PCDH9: variants seen among roughly 807,000 people sequenced by gnomAD.
The protein encoded by PCDH9 is protocadherin 9.
PCDH9 carries 24 observed loss-of-function variants against 70.6 expected under a neutral mutation model. That is an observed-to-expected ratio of 0.34 (90% CI 0.25 to 0.48). PCDH9 has a LOEUF of 0.48. Ranked by LOEUF, PCDH9 falls within the 20% of genes least tolerant of loss-of-function variation. PCDH9 has a pLI of 0.99. For missense variants in PCDH9, 1,281 were observed against 1,503.6 expected (o/e 0.85, Z 2.45); for synonymous variants, 562 against 558.5 (o/e 1.01, Z -0.09).
At chr13:66,880,358 T>G (rs571694749) in intron 3 of PCDH9, among the ~76,000 whole-genome samples, 60 of 152,270 alleles carry the variant, frequency 3.9e-4, no homozygotes, top group African/African-American at 1.3e-3. Context: ...CATTTGTGAA[T>G]AGCAACAACT....
intron 3 of PCDH9, among the ~76,000 whole-genome samples, chr13:66,760,739 C>T (rs567059613): frequency 4.0e-4 from 61 of 152,156 alleles, no homozygotes; most frequent in Middle Eastern, 3.4e-3. Flanking sequence ...CTTGCAAAAG[C>T]GAATAGGAGA....
At chr13:66,555,419 G>GGA (rs1555305906) in intron 4 of PCDH9, among the ~76,000 whole-genome samples, 12 of 143,568 alleles carry the variant, frequency 8.4e-5, no homozygotes, top group South Asian at 2.2e-4. Flanking sequence ...ACATTCTGGG[G>GGA]AAAAAAAAAA....
intron 2 of PCDH9, chr13:66,914,570 C>T (rs980218622): frequency 3.3e-5 from 5 of 151,730 alleles, no homozygotes; most frequent in Non-Finnish European, 7.4e-5. Context: ...TGAAGCATAA[C>T]TAAGAAACAC....
intron 3 of PCDH9, among the ~76,000 whole-genome samples, chr13:66,739,734 G>C: frequency 6.6e-6 from 1 of 150,740 alleles, no homozygotes; most frequent in East Asian, 2.0e-4. Flanking sequence ...AAGATCAAAA[G>C]AGACAAAGAA....
chr13:67,021,626 C>T (rs1156532112), intron 2 of PCDH9, among the ~76,000 whole-genome samples: 5 of 152,044 alleles, frequency 3.3e-5, no homozygotes, highest in Admixed American at 3.3e-4. Flanking sequence ...GTGGTGCGAT[C>T]TCTGCTTACT....
At chr13:66,599,533 T>C (rs73194763) in intron 4 of PCDH9, among the ~76,000 whole-genome samples, 24,544 of 151,648 alleles carry the variant, frequency 0.16, 2,155 homozygotes, top group Middle Eastern at 0.22. Context: ...ATTTAAATCA[T>C]GTACTATATT....
intron 2 of PCDH9, among the ~76,000 whole-genome samples, chr13:66,970,265 T>C (rs1373353853): frequency 6.6e-6 from 1 of 151,964 alleles, no homozygotes; most frequent in Non-Finnish European, 1.5e-5. Context: ...TGTTGAAATG[T>C]GTAGTATTAT....
In PCDH9 at chr13:66,659,666, CT is replaced by C. The variant is rs2077981333; in HGVS notation, c.3139-28256del. 2.0e-5 allele frequency among the ~76,000 whole-genome samples: 3 copies of C among 151,758 alleles called. No homozygotes were observed. The East Asian group carries it at 5.8e-4, about 29-fold the overall frequency. Reference sequence around the variant, plus strand: ...ATCCTGCTGCATCTTCCCTGAAAGACTTTTTAAACATTTTTTTTTTCTGTTA... The same window carrying C: ...ATCCTGCTGCATCTTCCCTGAAAGACTTTTAAACATTTTTTTTTTCTGTTA... On this transcript the variant is annotated intron_variant, in intron 3 of 4. Transcript: ENST00000377865.
chr13:66,575,192 T>C (rs1318148865), intron 4 of PCDH9, among the ~76,000 whole-genome samples: 2 of 151,948 alleles, frequency 1.3e-5, no homozygotes, highest in Non-Finnish European at 2.9e-5. Context: ...AATACATATA[T>C]ATATATTTAT....
intron 2 of PCDH9, among the ~76,000 whole-genome samples, chr13:67,094,292 G>A (rs771814952): frequency 6.6e-6 from 1 of 152,054 alleles, no homozygotes; most frequent in African/African-American, 2.4e-5. Context: ...TCACATTCCC[G>A]TAACTTAAAA....
intron 4 of PCDH9, among the ~76,000 whole-genome samples, chr13:66,553,168 A>C (rs4315244): frequency 0.13 from 19,047 of 152,186 alleles, 1,423 homozygotes; most frequent in Middle Eastern, 0.24. Flanking sequence ...CCAGTCAAAA[A>C]GAACATTCAA....
At chr13:66,572,970 TG>T (rs1415518498) in intron 4 of PCDH9, among the ~76,000 whole-genome samples, 1 of 152,102 alleles carries the variant, frequency 6.6e-6, no homozygotes, top group Non-Finnish European at 1.5e-5. Flanking sequence ...TTGCCCAGGC[TG>T]GTAGTATTTC....
At chr13:67,170,788 G>T (rs189578833) in intron 2 of PCDH9, among the ~76,000 whole-genome samples, 1 of 152,188 alleles carries the variant, frequency 6.6e-6, no homozygotes, top group African/African-American at 2.4e-5. Context: ...AGCTGGGCCT[G>T]GTGGTGCACT....
intron 2 of PCDH9, among the ~76,000 whole-genome samples, chr13:66,957,542 G>A (rs1411945516): frequency 6.6e-6 from 1 of 152,186 alleles, no homozygotes; most frequent in Non-Finnish European, 1.5e-5. Context: ...TGAAATGAAA[G>A]CCCTAACCCT....
chr13:67,137,061 A>G (rs2087249806), intron 2 of PCDH9, among the ~76,000 whole-genome samples: 3 of 152,098 alleles, frequency 2.0e-5, no homozygotes, highest in Admixed American at 2.0e-4. Flanking sequence ...AACATGGCAC[A>G]TGTATACATA....
At chr13:66,916,708 A>T in intron 2 of PCDH9, among the ~76,000 whole-genome samples, 1 of 151,548 alleles carries the variant, frequency 6.6e-6, no homozygotes, top group East Asian at 1.9e-4. Flanking sequence ...ACCAACCTGT[A>T]CTTTGTGTTT....
intron 4 of PCDH9, among the ~76,000 whole-genome samples, chr13:66,550,877 T>A (rs866004126): frequency 6.6e-6 from 1 of 152,166 alleles, no homozygotes; most frequent in African/African-American, 2.4e-5. Context: ...CATTGTAAAC[T>A]GAATGTTTAT....
chr13:66,697,921 T>C (rs1339596318), intron 3 of PCDH9, among the ~76,000 whole-genome samples: 1 of 152,188 alleles, frequency 6.6e-6, no homozygotes, highest in Non-Finnish European at 1.5e-5. Flanking sequence ...TATATATACA[T>C]AAAATGTAAC....
intron 4 of PCDH9, among the ~76,000 whole-genome samples, chr13:66,418,922 A>G (rs966561355): frequency 2.6e-5 from 4 of 152,222 alleles, no homozygotes; most frequent in Non-Finnish European, 5.9e-5. Context: ...CACTGATCTT[A>G]CAGAAATACA....
Sources: gnomAD v4.1 joint callset for allele counts (sites outside exome capture counted in the v4.1 genomes callset) on GRCh38, gnomAD v4.1.1 for gene constraint, MANE v1.5 for transcripts, NCBI Gene and HGNC (gene_info 2026-07-23, HGNC 2026-07-21) for gene names.